UBE2N: variants seen among roughly 807,000 people sequenced by gnomAD.
The protein encoded by UBE2N is ubiquitin-conjugating enzyme E2 N.
For synonymous variants in UBE2N, 70 were observed against 69.2 expected (o/e 1.01, Z -0.06); for missense variants, 60 against 192.1 (o/e 0.31, Z 4.07).
At chr12:93,410,453 T>G (rs1878000554) in intron 3 of UBE2N, 1 of 535,046 alleles carries the variant, frequency 1.9e-6, no homozygotes, top group African/African-American at 1.9e-5. Context: ...AGTTTTCCAG[T>G]ATTCTTTACA....
chr12:93,429,419 C>A, intron 1 of UBE2N: 1 of 334,800 alleles, frequency 3.0e-6, no homozygotes, highest in Non-Finnish European at 5.8e-6. Flanking sequence ...TACAGTCATG[C>A]GCTGTATGAG....
intron 1 of UBE2N, among the ~76,000 whole-genome samples, chr12:93,438,375 G>A (rs1878999633): frequency 6.6e-6 from 1 of 152,166 alleles, no homozygotes; most frequent in South Asian, 2.1e-4. Flanking sequence ...TATGACATAT[G>A]AGCTAAGAAC....
intron 1 of UBE2N, among the ~76,000 whole-genome samples, chr12:93,432,500 C>T (rs1355431431): frequency 6.8e-6 from 1 of 147,422 alleles, no homozygotes; most frequent in Non-Finnish European, 1.5e-5. Context: ...CAAAACAAAA[C>T]AGCTACTTAC....
In UBE2N at chr12:93,407,927, T is replaced by C. The variant is rs1237041316; in HGVS notation, c.*2112A>G. ...TTACCAAAACTGCAAAGGAAAAAAA[T>C]ATGATACCATGAAATTAGAAATTCA... On this transcript the variant is annotated 3_prime_UTR_variant, in exon 4 of 4. Coordinates refer to ENST00000318066, the MANE Select transcript of UBE2N (RefSeq NM_003348.4). 6.6e-6 allele frequency: 1 copy of C among 152,008 alleles called. No homozygotes were observed. The highest frequency in any genetic ancestry group is 1.5e-5 in the Non-Finnish European group (1 of 67,956). The allele number at this position is 152,008 out of a possible 1,614,324, so 9.4% of individuals were successfully genotyped here. A position where few individuals can be genotyped will look rare whatever the true frequency, so the allele number is the denominator to read the frequency against.
chr12:93,441,441 TGTC>T (rs1879105064), intron 1 of UBE2N, among the ~76,000 whole-genome samples: 1 of 152,076 alleles, frequency 6.6e-6, no homozygotes, highest in Non-Finnish European at 1.5e-5. Context: ...CGAGGGACCT[TGTC>T]GGGCCACAAT....
In UBE2N at chr12:93,416,857, CAA is replaced by C. The variant is rs4020452; in HGVS notation, c.31-5560_31-5559del. Among the ~76,000 whole-genome samples, 265 of 88,558 alleles carry C rather than the reference CAA, an allele frequency of 3.0e-3. 1 individual carries two copies. The highest frequency in any genetic ancestry group is 0.01 in the Middle Eastern group (1 of 96). The allele number at this position is 88,558 out of a possible 152,430, so 58.1% of individuals were successfully genotyped here. A position where few individuals can be genotyped will look rare whatever the true frequency, so the allele number is the denominator to read the frequency against. On this transcript the variant is annotated intron_variant, in intron 1 of 3. Coordinates refer to ENST00000318066, the MANE Select transcript of UBE2N (RefSeq NM_003348.4). ...AAGCATAGTGAGACCCCATCACTAC[CAA>C]AAAAAAAAAAAAAAAAAAGTTGACA...
intron 1 of UBE2N, among the ~76,000 whole-genome samples, chr12:93,423,417 T>A (rs1233928330): frequency 6.6e-6 from 1 of 152,168 alleles, no homozygotes; most frequent in African/African-American, 2.4e-5. Flanking sequence ...GTTAAGAAGC[T>A]AAATAACTCT....
chr12:93,420,138 C>A (rs926870753), intron 1 of UBE2N, among the ~76,000 whole-genome samples: 1 of 152,178 alleles, frequency 6.6e-6, no homozygotes, highest in African/African-American at 2.4e-5. Flanking sequence ...TTCTAAGATT[C>A]TGCGTACCAA....
At chr12:93,438,935 C>T (rs1270167874) in intron 1 of UBE2N, among the ~76,000 whole-genome samples, 1 of 152,190 alleles carries the variant, frequency 6.6e-6, no homozygotes, top group Non-Finnish European at 1.5e-5. Context: ...AATCAAGATC[C>T]AAATTCTGCC....
chr12:93,434,133 TA>T (rs548356177), intron 1 of UBE2N, among the ~76,000 whole-genome samples: 1 of 151,484 alleles, frequency 6.6e-6, no homozygotes, highest in Non-Finnish European at 1.5e-5. Context: ...CTACTAAAAA[TA>T]AAAAAAAATT....
chr12:93,409,964 C>T lies in UBE2N; in HGVS notation c.*75G>A, dbSNP rs1174333243. 4 of 1,426,294 alleles carry T rather than the reference C, an allele frequency of 2.8e-6. No individual in the cohort carries two copies. In the African/African-American group the frequency reaches 4.2e-5, roughly 15 times the overall value. The allele number at this position is 1,426,294 out of a possible 1,614,324, so 88.4% of individuals were successfully genotyped here. A position where few individuals can be genotyped will look rare whatever the true frequency, so the allele number is the denominator to read the frequency against. ...TTCTGTAATGTTTCTAAGACTGTGT[C>T]CATTAAATGCAAACAAAGAGGAGGA... On this transcript the variant is annotated 3_prime_UTR_variant, in exon 4 of 4. Transcript: ENST00000318066.
chr12:93,410,534 T>C (rs1878003115), intron 3 of UBE2N, 200 bp downstream of exon 3: 1 of 715,202 alleles, frequency 1.4e-6, no homozygotes, highest in Non-Finnish European at 2.3e-6. Context: ...TCCAAGATCT[T>C]TCAATTACAG....
In UBE2N at chr12:93,410,932, T is replaced by C. The variant is rs111293096; in HGVS notation, c.278-58A>G. The C allele has an allele frequency of 7.4e-5, 120 of 1,613,986 alleles. 2 individuals carry two copies. The African/African-American group carries it at 1.1e-3, about 15-fold the overall frequency. On this transcript the variant is annotated intron_variant, in intron 2 of 3. Transcript: ENST00000318066. ...ATGAAAAAAACAGGCCCAGAACTGC[T>C]TCACTTCCCTCCCACAGACCTCTCT...
intron 1 of UBE2N, among the ~76,000 whole-genome samples, chr12:93,421,402 C>T (rs1321084103): frequency 6.6e-6 from 1 of 152,160 alleles, no homozygotes; most frequent in Non-Finnish European, 1.5e-5. Context: ...CGGAGTTTCA[C>T]CGTGTTAGCC....
intron 1 of UBE2N, among the ~76,000 whole-genome samples, chr12:93,430,140 C>A (rs1878716542): frequency 6.6e-6 from 1 of 152,116 alleles, no homozygotes; most frequent in Non-Finnish European, 1.5e-5. Flanking sequence ...ATCTTTTATA[C>A]CAGATTTTTA....
chr12:93,412,022 T>A (rs1878046791), intron 1 of UBE2N, among the ~76,000 whole-genome samples: 1 of 151,658 alleles, frequency 6.6e-6, no homozygotes, highest in East Asian at 1.9e-4. Flanking sequence ...ACTGAAAACC[T>A]CCCCTCTGAA....
intron 1 of UBE2N, among the ~76,000 whole-genome samples, chr12:93,416,828 G>A (rs999488211): frequency 2.1e-5 from 3 of 143,314 alleles, no homozygotes; most frequent in East Asian, 2.1e-4. Context: ...AGACCAAGCT[G>A]GGCAAGCATA....
intron 1 of UBE2N, among the ~76,000 whole-genome samples, chr12:93,434,608 G>C (rs1878874892): frequency 6.6e-6 from 1 of 152,146 alleles, no homozygotes; most frequent in Non-Finnish European, 1.5e-5. Flanking sequence ...GAGCCTGAAA[G>C]TTTAATCACT....
intron 1 of UBE2N, among the ~76,000 whole-genome samples, chr12:93,434,649 G>GATA (rs1878875699): frequency 6.6e-6 from 1 of 152,076 alleles, no homozygotes; most frequent in Non-Finnish European, 1.5e-5. Flanking sequence ...TCTTAACATG[G>GATA]AGCACATGGA....
Sources: allele counts gnomAD v4.1 joint callset (sites outside exome capture counted in the v4.1 genomes callset), GRCh38; gene constraint gnomAD v4.1.1; transcripts MANE v1.5; gene names NCBI Gene and HGNC (gene_info 2026-07-23, HGNC 2026-07-21).